The following PLAC9 variants were observed in gnomAD, a reference collection of about 807,000 sequenced individuals.
PLAC9 encodes placenta associated 9.
A neutral mutation model predicts 11.5 loss-of-function variants in PLAC9; 12 were observed. That is an observed-to-expected ratio of 1.05 (90% CI 0.67 to 1.69). The LOEUF (loss-of-function observed/expected upper bound fraction) is 1.69. Among genes scored for constraint, PLAC9 ranks in the 40% most tolerant of loss-of-function variants. The pLI is 0.00. For synonymous variants in PLAC9, 62 were observed against 58.1 expected, an observed-to-expected ratio of 1.07 and a Z score of -0.31; for missense variants, 132 against 130.5, an observed-to-expected ratio of 1.01 and a Z score of -0.06.
At chr10:80,140,649 G>A (rs911076351) in intron 1 of PLAC9, among the ~76,000 whole-genome samples, 3 of 152,286 alleles carry the variant, frequency 2.0e-5, no homozygotes, top group Admixed American at 2.0e-4. Context: ...AGGGCTCTGA[G>A]ACTTCTGCTC....
intron 2 of PLAC9, 140 bp downstream of exon 2, chr10:80,142,319 C>T (rs1845050226): frequency 1.5e-6 from 1 of 650,664 alleles, no homozygotes; most frequent in South Asian, 2.2e-5. Context: ...CCAACATCAC[C>T]CTCCCATCTA....
upstream of PLAC9, chr10:80,132,477 T>A (rs973616424): frequency 3.1e-4 from 123 of 396,928 alleles, no homozygotes; most frequent in Non-Finnish European, 4.6e-4. Flanking sequence ...CGCCCCGCCT[T>A]CCCTCCCGGG....
chr10:80,133,604 G>A (rs1473908632), intron 1 of PLAC9, among the ~76,000 whole-genome samples: 2 of 152,146 alleles, frequency 1.3e-5, no homozygotes, highest in Non-Finnish European at 2.9e-5. Flanking sequence ...GGAGATGGGG[G>A]ACTGGGTGGA....
intron 3 of PLAC9, among the ~76,000 whole-genome samples, chr10:80,144,614 A>G (rs1050118695): frequency 1.3e-5 from 2 of 151,310 alleles, no homozygotes; most frequent in Non-Finnish European, 2.9e-5. Context: ...CTGCGCGGAG[A>G]AACTGCCTCC....
At chr10:80,144,399 G>A in intron 3 of PLAC9, 56 bp downstream of exon 3, 1 of 1,520,444 alleles carries the variant, frequency 6.6e-7, no homozygotes, top group East Asian at 2.4e-5. Context: ...CTGGCGCTGG[G>A]CAGGCGAGAC....
chr10:80,132,619 G>A, upstream of PLAC9: 2 of 594,106 alleles, frequency 3.4e-6, no homozygotes, highest in Non-Finnish European at 5.3e-6. Context: ...CTCTGGAGGG[G>A]GCGGGTTCTC....
intron 2 of PLAC9, among the ~76,000 whole-genome samples, chr10:80,142,727 TA>T (rs746841603): frequency 1.3e-5 from 2 of 150,204 alleles, no homozygotes; most frequent in Admixed American, 6.6e-5. Context: ...AAATACATTT[TA>T]TTTTTTTTGA....
At chr10:80,140,702 A>T (rs191701265) in intron 1 of PLAC9, among the ~76,000 whole-genome samples, 22 of 152,236 alleles carry the variant, frequency 1.4e-4, no homozygotes, top group Admixed American at 1.0e-3. Context: ...AAGGAGAACA[A>T]TGGTGAATCA....
At chr10:80,137,266 A>G (rs192788031) in intron 1 of PLAC9, among the ~76,000 whole-genome samples, 2 of 152,200 alleles carry the variant, frequency 1.3e-5, no homozygotes, top group Non-Finnish European at 1.5e-5. Flanking sequence ...AGACCTCATC[A>G]CAGACACGTA....
upstream of PLAC9, chr10:80,132,545 G>T: frequency 2.3e-6 from 1 of 441,368 alleles, no homozygotes; most frequent in Non-Finnish European, 4.0e-6. Flanking sequence ...CGCCCAGGTG[G>T]CACGTCGGTG....
rs1845081991 is a variant in PLAC9 at position 80,144,748 on chromosome 10, G to A, written c.284-152G>A. On this transcript the variant is annotated intron_variant, in intron 3 of 3. Coordinates refer to ENST00000372263, the MANE Select transcript of PLAC9 (RefSeq NM_001012973.3). The stretch of plus-strand genomic sequence containing the variant: ...CGTCCCCACTGATCAGGCAGGGTTG[G>A]GGTTGCACTCTGCTCTCTCCTTGAT... 6.4e-6 allele frequency: 5 copies of A among 775,520 alleles called. No homozygotes were observed. The South Asian group carries it at 9.5e-5, about 15-fold the overall frequency. 48.0% of individuals were successfully genotyped at this position (775,520 alleles called of 1,614,324 possible). A position where few individuals can be genotyped will look rare whatever the true frequency, so the allele number is the denominator to read the frequency against.
intron 1 of PLAC9, among the ~76,000 whole-genome samples, 185 bp downstream of exon 1, chr10:80,133,011 G>A (rs2132331028): frequency 6.6e-6 from 1 of 152,316 alleles, no homozygotes; most frequent in Non-Finnish European, 1.5e-5. Flanking sequence ...AAAAGGCAGA[G>A]AAGTAGAGCA....
At position 80,141,462 on chromosome 10, in the gene PLAC9, G is replaced by A. The variant is rs572899461; in HGVS notation, c.65-620G>A. Among the ~76,000 whole-genome samples, 128 of 152,232 alleles carry A rather than the reference G, an allele frequency of 8.4e-4. 1 individual carries two copies. The highest frequency in any genetic ancestry group is 3.0e-3 in the African/African-American group (123 of 41,546). ...AAAAATACAAAAATTAGCAGGGCGTGGTGGCAGGTGCTTGTAATCCCAGCT... is the reference window on the plus strand; with the variant it reads ...AAAAATACAAAAATTAGCAGGGCGTAGTGGCAGGTGCTTGTAATCCCAGCT... On this transcript the variant is annotated intron_variant, in intron 1 of 3. Coordinates refer to ENST00000372263, the MANE Select transcript of PLAC9 (RefSeq NM_001012973.3).
Position 80,144,324 on chromosome 10 carries a change from C to T in PLAC9, c.264C>T (p.Pro88=), listed in dbSNP as rs116202800. 6.2e-7 allele frequency: 1 copy of T among 1,608,372 alleles called. No individual in the cohort carries two copies. Residue 88 remains proline (P), a synonymous_variant, in exon 3 of 4, where the codon CCC becomes CCT. Coordinates refer to ENST00000372263, the MANE Select transcript of PLAC9 (RefSeq NM_001012973.3). Reference sequence around the variant, plus strand: ...ACCTGCCCCCGGGACCCTTCAGCCCCGCTCCCGACCTTCTCGGAGGTGAGC... The same window carrying T: ...ACCTGCCCCCGGGACCCTTCAGCCCTGCTCCCGACCTTCTCGGAGGTGAGC... ...AWNLPPGPFS[P]APDLLGDGF
At chr10:80,133,591 G>T (rs541832293) in intron 1 of PLAC9, among the ~76,000 whole-genome samples, 1 of 152,294 alleles carries the variant, frequency 6.6e-6, no homozygotes, top group East Asian at 1.9e-4. Context: ...AGCTATGTTG[G>T]GTGGAGATGG....
intron 1 of PLAC9, among the ~76,000 whole-genome samples, chr10:80,140,696 AGAACAATGGT>A (rs1171001869): frequency 1.3e-5 from 2 of 152,182 alleles, no homozygotes; most frequent in Non-Finnish European, 2.9e-5. Flanking sequence ...TAACTCAAGG[AGAACAATGGT>A]GAATCAAGAG....
At chr10:80,132,718 G>A, upstream of PLAC9, 1 of 1,426,070 alleles carries the variant, frequency 7.0e-7, no homozygotes, top group Non-Finnish European at 9.1e-7. Context: ...TCCGGGAAGG[G>A]CGGCTGCGGG....
chr10:80,132,588 G>A, upstream of PLAC9: 1 of 485,328 alleles, frequency 2.1e-6, no homozygotes, highest in Non-Finnish European at 3.5e-6. Flanking sequence ...GCTCCGCGCT[G>A]CCCACGGGGT....
At chr10:80,139,821 C>G (rs1845019832) in intron 1 of PLAC9, among the ~76,000 whole-genome samples, 1 of 152,030 alleles carries the variant, frequency 6.6e-6, no homozygotes, top group African/African-American at 2.4e-5. Context: ...AACTCCTGGC[C>G]TCAAGCGACC....
Sources: allele counts gnomAD v4.1 joint callset (sites outside exome capture counted in the v4.1 genomes callset), GRCh38; gene constraint gnomAD v4.1.1; transcripts MANE v1.5; gene names NCBI Gene and HGNC (gene_info 2026-07-23, HGNC 2026-07-21).